Variants in GABRA2 observed in about 807,000 individuals in gnomAD.
GABRA2 encodes gamma-aminobutyric acid receptor subunit alpha-2.
In GABRA2, 16 loss-of-function variants were observed where a neutral mutation model predicts 48.7. That is an observed-to-expected ratio of 0.33 (90% CI 0.22 to 0.50). The LOEUF (loss-of-function observed/expected upper bound fraction) is 0.50. GABRA2 is among the 20% of genes least tolerant of loss of function. GABRA2 has a pLI of 0.98. For missense variants in GABRA2, 275 were observed against 535.6 expected (o/e 0.51, Z 4.80); for synonymous variants, 185 against 184.5 (o/e 1.00, Z -0.02).
chr4:46,310,825 T>C (rs1727521269), intron 5 of GABRA2, among the ~76,000 whole-genome samples: 2 of 152,206 alleles, frequency 1.3e-5, no homozygotes, highest in African/African-American at 2.4e-5. Context: ...GGCTAAATTA[T>C]AAACACAAAT....
chr4:46,245,632 GT>G lies in GABRA2; in HGVS notation c.*4675del, dbSNP rs1713580440. ...ATAAGATCCATTAATAAAACAAATT[GT>G]TTAGATATCATAAATTTATCTGAAT... On this transcript the variant is annotated 3_prime_UTR_variant, in exon 10 of 10. Transcript: ENST00000381620. Among the ~76,000 whole-genome samples, 1 of 151,128 alleles carries G rather than the reference GT, an allele frequency of 6.6e-6. No individual in the cohort carries two copies. Among genetic ancestry groups the G allele is most frequent in the Non-Finnish European group, 1.5e-5 (1 of 67,418 alleles).
chr4:46,371,356 T>G (rs1171097563), intron 3 of GABRA2, among the ~76,000 whole-genome samples: 2 of 152,200 alleles, frequency 1.3e-5, no homozygotes, highest in Admixed American at 6.5e-5. Context: ...ATTATATTTC[T>G]GCCAAAATTA....
At chr4:46,379,435 G>A (rs1716451543) in intron 3 of GABRA2, among the ~76,000 whole-genome samples, 1 of 152,136 alleles carries the variant, frequency 6.6e-6, no homozygotes, top group South Asian at 2.1e-4. Flanking sequence ...CAAATAACTT[G>A]ATATCAGTCA....
At chr4:46,330,046 C>T (rs1457803796) in intron 4 of GABRA2, among the ~76,000 whole-genome samples, 1 of 152,004 alleles carries the variant, frequency 6.6e-6, no homozygotes, top group Non-Finnish European at 1.5e-5. Context: ...CATATACATA[C>T]TCACTCACAC....
intron 4 of GABRA2, among the ~76,000 whole-genome samples, chr4:46,320,540 T>C (rs1327470113): frequency 6.6e-6 from 1 of 151,892 alleles, no homozygotes. Context: ...ATATATTTGA[T>C]AAGAGATTAA....
At chr4:46,308,033 T>C (rs1323248736) in intron 6 of GABRA2, among the ~76,000 whole-genome samples, 1 of 152,156 alleles carries the variant, frequency 6.6e-6, no homozygotes, top group Non-Finnish European at 1.5e-5. Context: ...TAATCTTGTT[T>C]GTGTTAATTA....
intron 8 of GABRA2, among the ~76,000 whole-genome samples, chr4:46,262,717 G>A (rs1717224809): frequency 6.6e-6 from 1 of 152,044 alleles, no homozygotes; most frequent in African/African-American, 2.4e-5. Context: ...GGCCAAGATG[G>A]TGAAACCCCA....
intron 8 of GABRA2, among the ~76,000 whole-genome samples, chr4:46,263,453 G>T (rs990871187): frequency 1.3e-5 from 2 of 151,856 alleles, no homozygotes; most frequent in African/African-American, 4.8e-5. Context: ...CACCTAGATC[G>T]CCCATTGTCC....
chr4:46,252,655 T>G (rs1715021599), intron 9 of GABRA2, among the ~76,000 whole-genome samples: 1 of 151,502 alleles, frequency 6.6e-6, no homozygotes, highest in Non-Finnish European at 1.5e-5. Flanking sequence ...AGTATGCTTT[T>G]TCCTAAAATA....
chr4:46,296,131 C>T (rs1041141075), intron 8 of GABRA2, among the ~76,000 whole-genome samples: 2 of 152,058 alleles, frequency 1.3e-5, no homozygotes, highest in African/African-American at 4.8e-5. Flanking sequence ...TCCAGAAGGC[C>T]GTGTATGCTC....
rs930298283 is a variant in GABRA2, at chr4:46,243,770, A to G, written c.*6538T>C. 5 of 151,544 alleles carry G rather than the reference A, an allele frequency of 3.3e-5. No individual in the cohort carries two copies. The highest frequency in any genetic ancestry group is 1.2e-4 in the African/African-American group (5 of 41,390). 9.4% of individuals were successfully genotyped at this position (151,544 alleles called of 1,614,324 possible). A position where few individuals can be genotyped will look rare whatever the true frequency, so the allele number is the denominator to read the frequency against. On this transcript the variant is annotated 3_prime_UTR_variant, in exon 10 of 10. Coordinates refer to ENST00000381620, the MANE Select transcript of GABRA2 (RefSeq NM_000807.4). ...ACCAATAAGTATACTGTCACCCAGAAAATTTCAAATTTCACATAATGTGAC... is the reference window on the plus strand; with the variant it reads ...ACCAATAAGTATACTGTCACCCAGAGAATTTCAAATTTCACATAATGTGAC...
chr4:46,315,285 T>C (rs1012856883), intron 4 of GABRA2, among the ~76,000 whole-genome samples: 6 of 152,068 alleles, frequency 3.9e-5, no homozygotes, highest in African/African-American at 1.4e-4. Context: ...TATGTCTTCT[T>C]TTATGCAGTG....
intron 4 of GABRA2, among the ~76,000 whole-genome samples, chr4:46,328,205 T>C (rs1218095201): frequency 6.6e-6 from 1 of 152,064 alleles, no homozygotes; most frequent in East Asian, 1.9e-4. Flanking sequence ...GTAGAATCTT[T>C]AATTATAATT....
chr4:46,315,723 T>C (rs1377210322), intron 4 of GABRA2, among the ~76,000 whole-genome samples: 1 of 152,026 alleles, frequency 6.6e-6, no homozygotes, highest in Non-Finnish European at 1.5e-5. Flanking sequence ...ATTTGTGTTC[T>C]ATTTTCTTTT....
At chr4:46,328,142 T>C (rs1274260362) in intron 4 of GABRA2, among the ~76,000 whole-genome samples, 1 of 152,014 alleles carries the variant, frequency 6.6e-6, no homozygotes. Flanking sequence ...CAAAAATTAA[T>C]TACCTCCTTA....
chr4:46,255,916 C>A (rs1172535045), intron 9 of GABRA2, among the ~76,000 whole-genome samples: 1 of 151,412 alleles, frequency 6.6e-6, no homozygotes, highest in Non-Finnish European at 1.5e-5. Context: ...ATGAAAATAA[C>A]AATTACATGG....
chr4:46,256,414 T>C (rs965124589), intron 9 of GABRA2: 4 of 481,112 alleles, frequency 8.3e-6, no homozygotes, highest in East Asian at 3.3e-5. Context: ...ATTGCGTTTA[T>C]TGGGAAAAAT....
intron 3 of GABRA2, among the ~76,000 whole-genome samples, chr4:46,385,095 ATATATATATATAT>A (rs1398247362): frequency 1.3e-5 from 2 of 148,426 alleles, no homozygotes; most frequent in Non-Finnish European, 3.0e-5. Context: ...ATATATATAT[ATATATATATATAT>A]AAACAAAACT....
At chr4:46,303,687 G>T in intron 7 of GABRA2, 75 bp from the exon 8 acceptor site, 1 of 1,324,480 alleles carries the variant, frequency 7.6e-7, no homozygotes, top group East Asian at 2.3e-5. Context: ...AGGGATCAGA[G>T]GTAGAACAAA....
Sources: gnomAD v4.1 joint callset for allele counts (sites outside exome capture counted in the v4.1 genomes callset) on GRCh38, gnomAD v4.1.1 for gene constraint, MANE v1.5 for transcripts, NCBI Gene and HGNC (gene_info 2026-07-23, HGNC 2026-07-21) for gene names.